The following NYAP2 variants were observed in gnomAD, a reference collection of about 807,000 sequenced individuals.
The protein encoded by NYAP2 is neuronal tyrosine-phosphorylated phosphoinositide-3-kinase adapter 2.
NYAP2 carries 23 observed loss-of-function variants against 50.4 expected under a neutral mutation model. The observed-to-expected ratio is 0.46, with a 90% CI of 0.33 to 0.65. The LOEUF (loss-of-function observed/expected upper bound fraction) is 0.65, where lower values mean the gene tolerates loss of function less well. NYAP2 is among the 30% of genes least tolerant of loss of function. NYAP2 has a pLI of 0.02. For synonymous variants in NYAP2, 394 were observed against 365.2 expected (o/e 1.08, Z -0.90); for missense variants, 885 against 861.0 (o/e 1.03, Z -0.35).
At chr2:225,660,426 AG>A in the NYAP2 span, among the ~76,000 whole-genome samples, 1 of 145,826 alleles carries the variant, frequency 6.9e-6, no homozygotes, top group Non-Finnish European at 1.5e-5. Context: ...AGCAGGTATT[AG>A]AGACACAGGA....
chr2:225,701,984 C>T, the NYAP2 span: 2 of 151,652 alleles, frequency 1.3e-5, no homozygotes, highest in South Asian at 2.1e-4. Context: ...TAAAATAAGA[C>T]ATCAACACAA....
chr2:225,474,272 A>C (rs1690063904), intron 3 of NYAP2, among the ~76,000 whole-genome samples: 1 of 152,192 alleles, frequency 6.6e-6, no homozygotes, highest in Non-Finnish European at 1.5e-5. Context: ...CTTTTGGCTT[A>C]GGATTGACTT....
At chr2:225,565,245 A>G (rs1691942011) in intron 4 of NYAP2, among the ~76,000 whole-genome samples, 1 of 152,202 alleles carries the variant, frequency 6.6e-6, no homozygotes, top group Admixed American at 6.5e-5. Context: ...ATTAAAACTC[A>G]CTTAAGGGAA....
intron 3 of NYAP2, among the ~76,000 whole-genome samples, chr2:225,465,022 T>C (rs918691069): frequency 6.6e-6 from 1 of 152,200 alleles, no homozygotes; most frequent in Admixed American, 6.5e-5. Context: ...GTCTCACCCT[T>C]TTCTATGGTA....
chr2:225,460,971 C>T (rs572814486), intron 3 of NYAP2, among the ~76,000 whole-genome samples: 58 of 123,448 alleles, frequency 4.7e-4, no homozygotes, highest in African/African-American at 1.8e-3. Flanking sequence ...CCTGCCTGAG[C>T]GACAGAGCGA....
chr2:225,479,173 G>A (rs538290998), intron 3 of NYAP2, among the ~76,000 whole-genome samples: 1 of 152,214 alleles, frequency 6.6e-6, no homozygotes, highest in South Asian at 2.1e-4. Context: ...TGAAGAAAGA[G>A]TAAGAATTAC....
intron 4 of NYAP2, among the ~76,000 whole-genome samples, chr2:225,523,431 A>G (rs1691100624): frequency 6.6e-6 from 1 of 152,024 alleles, no homozygotes; most frequent in Non-Finnish European, 1.5e-5. Context: ...ATATGTATAT[A>G]TATCTAGCTG....
chr2:225,528,610 C>G (rs910271528), intron 4 of NYAP2, among the ~76,000 whole-genome samples: 8 of 152,226 alleles, frequency 5.3e-5, no homozygotes, highest in Admixed American at 5.2e-4. Flanking sequence ...ATGATCCTCA[C>G]TGCTGAGTTT....
At chr2:225,647,301 C>T (rs1226125234) in intron 6 of NYAP2, among the ~76,000 whole-genome samples, 1 of 152,082 alleles carries the variant, frequency 6.6e-6, no homozygotes, top group East Asian at 1.9e-4. Flanking sequence ...AGGATGATTC[C>T]TTAAGGTATG....
chr2:225,626,538 A>C (rs1407151935), intron 5 of NYAP2, among the ~76,000 whole-genome samples: 1 of 152,248 alleles, frequency 6.6e-6, no homozygotes, highest in Non-Finnish European at 1.5e-5. Context: ...AAAAGGCACT[A>C]GGTGATGTTA....
At chr2:225,593,359 G>A (rs537402890) in intron 5 of NYAP2, among the ~76,000 whole-genome samples, 8 of 152,260 alleles carry the variant, frequency 5.3e-5, no homozygotes, top group African/African-American at 1.9e-4. Flanking sequence ...CTTGTGTGGG[G>A]CTTCTGCAGA....
upstream of NYAP2, among the ~76,000 whole-genome samples, chr2:225,398,670 G>A (rs1445224531): frequency 6.6e-6 from 1 of 151,796 alleles, no homozygotes; most frequent in African/African-American, 2.4e-5. Context: ...TGGGATAGGG[G>A]GAAGAGAATA....
chr2:225,425,787 G>A lies in NYAP2; in HGVS notation c.221+16686G>A, dbSNP rs557030591. Among the ~76,000 whole-genome samples the A allele has an allele frequency of 2.0e-5, 3 of 152,260 alleles. No homozygotes were observed. In the South Asian group the frequency reaches 6.2e-4, roughly 32 times the overall value. On this transcript the variant is annotated intron_variant, in intron 3 of 6. Coordinates refer to ENST00000636099, the Ensembl canonical transcript of NYAP2. ...AAGGGTTTTATTATAATAGATTTTA[G>A]CAGGCACATTAATGAAGAGTTTTTC...
At chr2:225,620,439 G>GCA (rs1339568747) in intron 5 of NYAP2, among the ~76,000 whole-genome samples, 1 of 30,982 alleles carries the variant, frequency 3.2e-5, no homozygotes, top group Non-Finnish European at 8.0e-5. Context: ...ACGCACACAC[G>GCA]CACGCACACG....
At chr2:225,459,736 C>G (rs1006557101) in intron 3 of NYAP2, among the ~76,000 whole-genome samples, 3 of 152,032 alleles carry the variant, frequency 2.0e-5, no homozygotes, top group African/African-American at 7.2e-5. Context: ...CTCCACCTCC[C>G]GGGTTCTCCC....
chr2:225,576,442 G>A (rs191624394), intron 4 of NYAP2, among the ~76,000 whole-genome samples: 2 of 152,288 alleles, frequency 1.3e-5, no homozygotes, highest in Admixed American at 6.5e-5. Context: ...GGATAGTATT[G>A]TGGGGCTTGT....
At chr2:225,407,040 A>C (rs1255414225) in intron 2 of NYAP2, among the ~76,000 whole-genome samples, 1 of 152,018 alleles carries the variant, frequency 6.6e-6, no homozygotes, top group Non-Finnish European at 1.5e-5. Context: ...TTATCTCTAG[A>C]ATTCTTGTAA....
intron 6 of NYAP2, among the ~76,000 whole-genome samples, chr2:225,645,002 G>A (rs1310888331): frequency 6.6e-6 from 1 of 152,156 alleles, no homozygotes; most frequent in African/African-American, 2.4e-5. Context: ...CCTCATGCCT[G>A]TAATCCCAAC....
chr2:225,523,584 C>A (rs1403104940), intron 4 of NYAP2, among the ~76,000 whole-genome samples: 1 of 151,954 alleles, frequency 6.6e-6, no homozygotes, highest in Non-Finnish European at 1.5e-5. Flanking sequence ...AATGGAAAAA[C>A]ATCCATGTTT....
Sources: allele counts gnomAD v4.1 joint callset (sites outside exome capture counted in the v4.1 genomes callset), GRCh38; gene constraint gnomAD v4.1.1; transcripts MANE v1.5; gene names NCBI Gene and HGNC (gene_info 2026-07-23, HGNC 2026-07-21).